MMEL1: variants seen among roughly 807,000 people sequenced by gnomAD.
MMEL1 encodes the protein membrane metalloendopeptidase like 1, also known as membrane metallo-endopeptidase-like 1.
A neutral mutation model predicts 117.1 loss-of-function variants in MMEL1; 98 were observed. The observed-to-expected ratio is 0.84, with a 90% CI of 0.71 to 0.99. MMEL1 has a LOEUF of 0.99. Ranked by LOEUF, MMEL1 falls within the 50% of genes least tolerant of loss-of-function variation. MMEL1 has a pLI of 0.00. For missense variants in MMEL1, 1,014 were observed against 1,049.1 expected (o/e 0.97, Z 0.46); for synonymous variants, 390 against 415.1 (o/e 0.94, Z 0.74).
chr1:2,605,993 G>A (rs534490221), intron 8 of MMEL1, among the ~76,000 whole-genome samples: 427 of 152,260 alleles, frequency 2.8e-3, no homozygotes, highest in Non-Finnish European at 4.5e-3. Flanking sequence ...TTCCAGCCCC[G>A]CTGTTCAGGA....
intron 2 of MMEL1, among the ~76,000 whole-genome samples, chr1:2,618,268 C>G (rs1182534573): frequency 6.6e-6 from 1 of 152,142 alleles, no homozygotes; most frequent in African/African-American, 2.4e-5. Context: ...CTCTCTCTCT[C>G]TCTTTCTCTT....
Position 2,592,223 on chromosome 1 carries a change from G to T in MMEL1, c.2068-196C>A, listed in dbSNP as rs570010486. On this transcript the variant is annotated intron_variant, in intron 21 of 23. Coordinates refer to ENST00000378412, the MANE Select transcript of MMEL1 (RefSeq NM_033467.4). ...CAGGGACCCCTGAGCTGGGCCCTCG[G>T]GGGGGGATCCCTGGCCAGACAGCCC... is the stretch of plus-strand genomic sequence containing the variant. Among the ~76,000 whole-genome samples the T allele has an allele frequency of 3.5e-4, 7 of 20,242 alleles. No homozygotes were observed. The South Asian group carries it at 9.0e-3, about 26-fold the overall frequency. 13.3% of individuals were successfully genotyped at this position (20,242 alleles called of 152,430 possible).
At chr1:2,600,259 T>A (rs1256382092) in intron 11 of MMEL1, among the ~76,000 whole-genome samples, 1 of 150,356 alleles carries the variant, frequency 6.7e-6, no homozygotes, top group African/African-American at 2.4e-5. Flanking sequence ...TGAGCCACCA[T>A]GCCTGGCCAA....
At chr1:2,593,260 C>T (rs1239314194) in intron 19 of MMEL1, among the ~76,000 whole-genome samples, 1 of 152,202 alleles carries the variant, frequency 6.6e-6, no homozygotes, top group Non-Finnish European at 1.5e-5. Context: ...GGTTTAAGGG[C>T]TCCTCCTGGG....
chr1:2,621,762 A>G (rs1645293587), intron 2 of MMEL1, among the ~76,000 whole-genome samples: 1 of 152,042 alleles, frequency 6.6e-6, no homozygotes, highest in South Asian at 2.1e-4. Context: ...GGGGTTTCTC[A>G]CATTGGTCAG....
In MMEL1 at chr1:2,609,034, TACACACACACACACACAC is replaced by T. The variant is rs70956312; in HGVS notation, c.535+287_535+304del. On this transcript the variant is annotated intron_variant, in intron 6 of 23. Transcript: ENST00000378412. ...TATACACATACTCATATCCATATAA[TACACACACACACACACAC>T]ACACACACACACACACACACACACA... Among the ~76,000 whole-genome samples, 749 of 144,758 alleles carry T rather than the reference TACACACACACACACACAC, an allele frequency of 5.2e-3. 1 individual carries two copies. The highest frequency in any genetic ancestry group is 0.017 in the African/African-American group (666 of 39,566). The allele number at this position is 144,758 out of a possible 152,430, so 95.0% of individuals were successfully genotyped here.
chr1:2,611,419 G>T, intron 3 of MMEL1, 79 bp from the exon 4 acceptor site: 1 of 1,031,982 alleles, frequency 9.7e-7, no homozygotes, highest in Non-Finnish European at 1.4e-6. Context: ...GGCGGGGCAA[G>T]GTCTGGTGGG....
intron 1 of MMEL1, among the ~76,000 whole-genome samples, chr1:2,631,789 C>T (rs1024536330): frequency 7.2e-5 from 11 of 152,122 alleles, no homozygotes; most frequent in Admixed American, 1.3e-4. Context: ...GTCCACACCC[C>T]GCGCCAGTCC....
At chr1:2,608,922 C>T (rs550821325) in intron 6 of MMEL1, among the ~76,000 whole-genome samples, 1 of 152,038 alleles carries the variant, frequency 6.6e-6, no homozygotes, top group Non-Finnish European at 1.5e-5. Flanking sequence ...TATACACATA[C>T]ACGTATACAC....
intron 4 of MMEL1, 31 bp downstream of exon 4, chr1:2,611,250 A>C: frequency 6.4e-7 from 1 of 1,559,920 alleles, no homozygotes; most frequent in Non-Finnish European, 8.7e-7. Context: ...GCCCTTGGGC[A>C]GGCTGTGGAC....
intron 6 of MMEL1, among the ~76,000 whole-genome samples, chr1:2,607,894 G>T (rs998432896): frequency 6.6e-6 from 1 of 152,136 alleles, no homozygotes; most frequent in Admixed American, 6.5e-5. Context: ...CCGGCTGTTA[G>T]GGGCCGGATG....
At chr1:2,631,931 C>G (rs1024483939) in intron 1 of MMEL1, among the ~76,000 whole-genome samples, 1 of 152,186 alleles carries the variant, frequency 6.6e-6, no homozygotes, top group Non-Finnish European at 1.5e-5. Context: ...GGCCCAGGGG[C>G]CTGTAACTAG....
At chr1:2,593,351 G>A (rs1402355215) in intron 19 of MMEL1, among the ~76,000 whole-genome samples, 2 of 152,220 alleles carry the variant, frequency 1.3e-5, no homozygotes, top group Non-Finnish European at 2.9e-5. Flanking sequence ...CCGGATGGCC[G>A]AGCCACAGGG....
In MMEL1 at chr1:2,594,941, G is replaced by C. The variant is rs770850530; in HGVS notation, c.1585-48C>G. Reference sequence around the variant, plus strand: ...GCCAGATGCTGGGGCCGGGCCCTCAGAGGAGCAAGGGGAGAGGTCCTGGGT... The same window carrying C: ...GCCAGATGCTGGGGCCGGGCCCTCACAGGAGCAAGGGGAGAGGTCCTGGGT... On this transcript the variant is annotated intron_variant, in intron 16 of 23. Coordinates refer to ENST00000378412, the MANE Select transcript of MMEL1 (RefSeq NM_033467.4). 6.0e-6 allele frequency: 9 copies of C among 1,512,282 alleles called. No homozygotes were observed. The South Asian group carries it at 9.0e-5, about 15-fold the overall frequency. 93.7% of individuals were successfully genotyped at this position (1,512,282 alleles called of 1,614,324 possible).
chr1:2,607,408 G>T (rs779002636), intron 6 of MMEL1, among the ~76,000 whole-genome samples: 24 of 151,966 alleles, frequency 1.6e-4, no homozygotes, highest in Non-Finnish European at 3.1e-4. Context: ...CGAGGAGCCT[G>T]GGAGAGGAGA....
intron 2 of MMEL1, among the ~76,000 whole-genome samples, chr1:2,618,227 T>A (rs1645234625): frequency 6.6e-6 from 1 of 152,076 alleles, no homozygotes; most frequent in Non-Finnish European, 1.5e-5. Context: ...TGCCCCTGAG[T>A]GGCTTGAAAA....
chr1:2,592,827 G>T lies in MMEL1; in HGVS notation c.2001+6C>A. 6.2e-7 allele frequency: 1 copy of T among 1,613,334 alleles called. No individual in the cohort carries two copies. The highest frequency in any genetic ancestry group is 1.1e-5 in the South Asian group (1 of 91,046). The stretch of plus-strand genomic sequence containing the variant: ...CCGCAGCCTGGGTGCTGGTGGCAGC[G>T]CTCACGTTCTGTTCGTCTGCCAGGT... On this transcript the variant is annotated splice_donor_region_variant and intron_variant, in intron 20 of 23. Coordinates refer to ENST00000378412, the MANE Select transcript of MMEL1 (RefSeq NM_033467.4).
intron 2 of MMEL1, among the ~76,000 whole-genome samples, chr1:2,616,453 A>G (rs1213366710): frequency 1.3e-5 from 2 of 152,174 alleles, no homozygotes; most frequent in Non-Finnish European, 2.9e-5. Context: ...AAGATGATGG[A>G]ATGAGCTCTT....
chr1:2,595,234 C>T lies in MMEL1; in HGVS notation c.1584+42G>A. On this transcript the variant is annotated intron_variant, in intron 16 of 23. Transcript: ENST00000378412. The surrounding 1 kb of genome is among the most constrained non-coding windows in gnomAD (Gnocchi z 4.8). ...CCCCCAGGCAATCAGGGCCCATGTC[C>T]ACGGTGTGGGGGGCAGTTTAGGGCT... 1 of 1,567,526 alleles carries T rather than the reference C, an allele frequency of 6.4e-7. No individual in the cohort carries two copies. The highest frequency in any genetic ancestry group is 8.8e-7 in the Non-Finnish European group (1 of 1,140,720).
Sources: allele counts gnomAD v4.1 joint callset (sites outside exome capture counted in the v4.1 genomes callset), GRCh38; gene constraint gnomAD v4.1.1; non-coding constraint Gnocchi (gnomAD v3.1); transcripts MANE v1.5; gene names NCBI Gene and HGNC (gene_info 2026-07-23, HGNC 2026-07-21).